The following ZNF787 variants were observed in gnomAD, a reference collection of about 807,000 sequenced individuals.
The protein encoded by ZNF787 is zinc finger protein 787.
Under a neutral mutation model 16.9 loss-of-function variants are expected in ZNF787, and 7 were observed. The observed-to-expected ratio is 0.42, with a 90% CI of 0.24 to 0.78. The LOEUF (loss-of-function observed/expected upper bound fraction) is 0.78. Among genes scored for constraint, ZNF787 ranks in the 30% least tolerant of loss-of-function variants. ZNF787 has a pLI of 0.30. For missense variants in ZNF787, 551 were observed against 589.3 expected, an observed-to-expected ratio of 0.94 and a Z score of 0.67; for synonymous variants, 345 against 270.9, an observed-to-expected ratio of 1.27 and a Z score of -2.69.
At chr19:56,117,798 C>G (rs2030181132) in intron 1 of ZNF787, among the ~76,000 whole-genome samples, 1 of 152,200 alleles carries the variant, frequency 6.6e-6, no homozygotes, top group African/African-American at 2.4e-5. Context: ...CAGCAAAGAC[C>G]CTGCACACAG....
At chr19:56,097,573 G>A (rs1185179087) in intron 2 of ZNF787, among the ~76,000 whole-genome samples, 2 of 152,250 alleles carry the variant, frequency 1.3e-5, no homozygotes, top group Non-Finnish European at 2.9e-5. Flanking sequence ...GGAGGCAGGA[G>A]GAGGAAACAC....
intron 2 of ZNF787, among the ~76,000 whole-genome samples, chr19:56,101,372 C>A (rs1986093169): frequency 6.6e-6 from 1 of 152,396 alleles, no homozygotes; most frequent in Non-Finnish European, 1.5e-5. Flanking sequence ...CAGGCCCTCC[C>A]CGGAGCCAGC....
intron 2 of ZNF787, among the ~76,000 whole-genome samples, chr19:56,093,292 T>C (rs1317812903): frequency 6.6e-6 from 1 of 151,454 alleles, no homozygotes; most frequent in Non-Finnish European, 1.5e-5. Context: ...GAAAGTGGGA[T>C]ATTCCATAGA....
intron 2 of ZNF787, among the ~76,000 whole-genome samples, chr19:56,094,590 T>C (rs1985797549): frequency 6.6e-6 from 1 of 152,178 alleles, no homozygotes; most frequent in African/African-American, 2.4e-5. Context: ...AGGTTTTTGT[T>C]CTTATTTGCA....
At chr19:56,091,833 A>C (rs1201938856) in intron 2 of ZNF787, among the ~76,000 whole-genome samples, 1 of 152,230 alleles carries the variant, frequency 6.6e-6, no homozygotes. Context: ...TCACAGGCAC[A>C]GACTGGTTTC....
At chr19:56,093,182 G>T (rs907277939) in intron 2 of ZNF787, among the ~76,000 whole-genome samples, 8 of 150,744 alleles carry the variant, frequency 5.3e-5, no homozygotes, top group African/African-American at 1.7e-4. Context: ...CGGGGATGGC[G>T]GAAGTGGGAT....
intron 1 of ZNF787, among the ~76,000 whole-genome samples, chr19:56,110,944 G>A (rs1162192965): frequency 1.3e-5 from 2 of 152,238 alleles, no homozygotes; most frequent in African/African-American, 4.8e-5. Context: ...CTGGGTAGGG[G>A]GGTAGTGAGG....
intron 2 of ZNF787, among the ~76,000 whole-genome samples, chr19:56,093,856 G>A (rs1985758119): frequency 1.3e-5 from 2 of 152,192 alleles, no homozygotes; most frequent in South Asian, 4.1e-4. Context: ...TCTGTGATTT[G>A]CTCTTTCAAT....
chr19:56,116,100 G>C (rs1014063091), intron 1 of ZNF787, among the ~76,000 whole-genome samples: 6 of 152,022 alleles, frequency 3.9e-5, no homozygotes, highest in African/African-American at 1.4e-4. Flanking sequence ...GGAAATCTGT[G>C]CATCTTCCTC....
At chr19:56,116,123 C>G (rs773922477) in intron 1 of ZNF787, among the ~76,000 whole-genome samples, 2 of 151,896 alleles carry the variant, frequency 1.3e-5, no homozygotes, top group East Asian at 1.9e-4. Flanking sequence ...AATTTTGTTG[C>G]GAACCTAAAA....
In ZNF787 at chr19:56,088,598, TCTTGGGCTGG is replaced by T; in HGVS notation, c.564_573del (p.Ser188ArgfsTer323). 6.6e-7 allele frequency: 1 copy of T among 1,518,486 alleles called. No homozygotes were observed. Among genetic ancestry groups the T allele is most frequent in the Non-Finnish European group, 8.8e-7 (1 of 1,140,062 alleles). The allele number at this position is 1,518,486 out of a possible 1,614,324, so 94.1% of individuals were successfully genotyped here. ...TGCAGCCGCAGGTGACGCGCGAGGC[TCTTGGGCTGG>T]CTGAAGCCGCGGCCGCAGCGCGGGC... On this transcript the variant is annotated frameshift_variant, in exon 3 of 3. Transcript: ENST00000610935. LOFTEE classifies it high-confidence loss of function. This position sits in a 1 kb window ranked among gnomAD's most constrained non-coding sequence, Gnocchi z 8.6.
At chr19:56,102,862 C>T (rs765938260) in intron 2 of ZNF787, 2 of 701,942 alleles carry the variant, frequency 2.8e-6, no homozygotes, top group Non-Finnish European at 5.2e-6. Flanking sequence ...GCTGCCCAGG[C>T]TGGAGGGGCA....
At chr19:56,106,816 GAA>G (rs1217037700) in intron 1 of ZNF787, among the ~76,000 whole-genome samples, 291 of 151,866 alleles carry the variant, frequency 1.9e-3, no homozygotes, top group African/African-American at 5.7e-3. Flanking sequence ...ATTCCAGGCG[GAA>G]GTCTGCAGAC....
chr19:56,118,768 T>C (rs2123435289), intron 1 of ZNF787, among the ~76,000 whole-genome samples: 1 of 152,102 alleles, frequency 6.6e-6, no homozygotes, highest in Non-Finnish European at 1.5e-5. Flanking sequence ...ACGAACGAGG[T>C]TTGGAAAGGC....
chr19:56,107,100 C>A (rs780143329), intron 1 of ZNF787, among the ~76,000 whole-genome samples: 6 of 152,148 alleles, frequency 3.9e-5, no homozygotes, highest in Admixed American at 6.5e-5. Flanking sequence ...CCCCACCCCA[C>A]GGTTCCAGGC....
At chr19:56,103,434 C>T (rs1037663597) in intron 1 of ZNF787, 2 of 451,626 alleles carry the variant, frequency 4.4e-6, no homozygotes, top group Non-Finnish European at 7.8e-6. Flanking sequence ...AGGCCTCACA[C>T]AGCCGCAGGA....
intron 1 of ZNF787, among the ~76,000 whole-genome samples, chr19:56,114,995 G>A (rs948444995): frequency 6.6e-6 from 1 of 152,062 alleles, no homozygotes; most frequent in African/African-American, 2.4e-5. Flanking sequence ...CCTCATTCTT[G>A]TTCCCTCCTG....
intron 1 of ZNF787, among the ~76,000 whole-genome samples, chr19:56,112,677 T>C (rs1034505929): frequency 1.3e-5 from 2 of 150,406 alleles, no homozygotes; most frequent in Non-Finnish European, 3.0e-5. Context: ...TCCCCTCTAC[T>C]TGCAGCCTGG....
chr19:56,095,086 CCTCAGTGATAGAGCGAGACTCCAT>C (rs1326787008), intron 2 of ZNF787, among the ~76,000 whole-genome samples: 3 of 152,188 alleles, frequency 2.0e-5, no homozygotes, highest in Admixed American at 1.3e-4. Flanking sequence ...CGCACTCCAG[CCTCAGTGATAGAGCGAGACTCCAT>C]CTCAAAAAAT....
Sources: gnomAD v4.1 joint callset for allele counts (sites outside exome capture counted in the v4.1 genomes callset) on GRCh38, gnomAD v4.1.1 for gene constraint, Gnocchi (gnomAD v3.1) non-coding constraint, MANE v1.5 for transcripts, NCBI Gene and HGNC (gene_info 2026-07-23, HGNC 2026-07-21) for gene names.